UGT2A1: variants seen among roughly 807,000 people sequenced by gnomAD.
UGT2A1 encodes the protein UDP-glucuronosyltransferase 2A1.
In UGT2A1, 61 loss-of-function variants were observed where a neutral mutation model predicts 45.4. That is an observed-to-expected ratio of 1.34 (90% CI 1.09 to 1.66). The LOEUF (loss-of-function observed/expected upper bound fraction) is 1.66. Among genes scored for constraint, UGT2A1 ranks in the 40% most tolerant of loss-of-function variants. UGT2A1 has a pLI of 0.00. For missense variants in UGT2A1, 649 were observed against 574.3 expected (o/e 1.13, Z -1.33); for synonymous variants, 229 against 196.2 (o/e 1.17, Z -1.40).
At position 69,595,169 on chromosome 4, in the gene UGT2A1, A is replaced by G. The variant is rs747479294; in HGVS notation, c.1077T>C (p.Asp359=). 51 of 1,613,718 alleles carry G rather than the reference A, an allele frequency of 3.2e-5. No individual in the cohort carries two copies. The highest frequency in any genetic ancestry group is 6.7e-5 in the African/African-American group (5 of 74,924). The change falls in exon 5 of 7, where the codon GAT becomes GAC. Residue 359 remains aspartate, a synonymous_variant. Coordinates refer to ENST00000286604, the MANE Select transcript of UGT2A1 (RefSeq NM_001252275.3). ...TQLFDWIPQN[D]LLGHPKTKAF... ...CTTTCCCCACAGTCTTACCAAGAAGATCATTCTGGGGTATCCAATCAAAGA... is the reference window on the plus strand; with the variant it reads ...CTTTCCCCACAGTCTTACCAAGAAGGTCATTCTGGGGTATCCAATCAAAGA...
intron 3 of UGT2A1, among the ~76,000 whole-genome samples, chr4:69,610,597 G>A (rs1719977594): frequency 6.6e-6 from 1 of 152,126 alleles, no homozygotes; most frequent in South Asian, 2.1e-4. Flanking sequence ...AAGCCTGACT[G>A]TATTTGAAGA....
At chr4:69,608,431 G>T (rs6831807) in intron 3 of UGT2A1, among the ~76,000 whole-genome samples, 6 of 129,116 alleles carry the variant, frequency 4.6e-5, no homozygotes, top group African/African-American at 5.6e-5. Context: ...GGGGTGGGGG[G>T]AGGGGGGAAG....
intron 3 of UGT2A1, among the ~76,000 whole-genome samples, chr4:69,623,055 T>C (rs1431540812): frequency 2.0e-5 from 3 of 151,836 alleles, no homozygotes; most frequent in Non-Finnish European, 4.4e-5. Flanking sequence ...TGAAATTTTC[T>C]ACCTTCTGTT....
At chr4:69,593,500 G>GA (rs1018537716) in intron 6 of UGT2A1, among the ~76,000 whole-genome samples, 1 of 150,650 alleles carries the variant, frequency 6.6e-6, no homozygotes, top group Non-Finnish European at 1.5e-5. Context: ...ATCTTTCAGA[G>GA]AAAAAAATAA....
At chr4:69,627,457 C>G (rs1275615340) in intron 3 of UGT2A1, among the ~76,000 whole-genome samples, 1 of 62,982 alleles carries the variant, frequency 1.6e-5, no homozygotes. Flanking sequence ...CATAGGCAGA[C>G]AGGCAAGCAG....
intron 3 of UGT2A1, among the ~76,000 whole-genome samples, chr4:69,610,187 T>A (rs1034348264): frequency 6.6e-6 from 1 of 152,124 alleles, no homozygotes; most frequent in Non-Finnish European, 1.5e-5. Context: ...AAAATATTTT[T>A]AAATGTGCAA....
chr4:69,647,843 TCTTA>T (rs1431417671), intron 1 of UGT2A1, 145 bp from the exon 2 acceptor site: 3 of 409,840 alleles, frequency 7.3e-6, no homozygotes, highest in Non-Finnish European at 1.3e-5. Context: ...GGGTAATGTG[TCTTA>T]CTTCTCAAAT....
chr4:69,644,050 C>G (rs1254460402), intron 2 of UGT2A1, among the ~76,000 whole-genome samples: 1 of 151,484 alleles, frequency 6.6e-6, no homozygotes, highest in African/African-American at 2.4e-5. Flanking sequence ...TAAAGACAAA[C>G]TTAAGTAGTC....
intron 1 of UGT2A1, among the ~76,000 whole-genome samples, chr4:69,652,931 T>G (rs1177146491): frequency 6.6e-6 from 1 of 152,200 alleles, no homozygotes; most frequent in Non-Finnish European, 1.5e-5. Context: ...GAGTTCACAC[T>G]TAGACAAAAC....
At chr4:69,638,221 G>A (rs1721827727) in intron 2 of UGT2A1, among the ~76,000 whole-genome samples, 1 of 152,024 alleles carries the variant, frequency 6.6e-6, no homozygotes, top group African/African-American at 2.4e-5. Flanking sequence ...CATCAAGAGA[G>A]AAGGAAATAA....
At chr4:69,634,642 T>A (rs947974001) in intron 3 of UGT2A1, among the ~76,000 whole-genome samples, 2 of 152,126 alleles carry the variant, frequency 1.3e-5, no homozygotes, top group African/African-American at 4.8e-5. Flanking sequence ...TATTTTACCA[T>A]ATTGGCGGAA....
At chr4:69,610,611 G>T (rs1719978092) in intron 3 of UGT2A1, among the ~76,000 whole-genome samples, 1 of 152,052 alleles carries the variant, frequency 6.6e-6, no homozygotes, top group Non-Finnish European at 1.5e-5. Context: ...TTGAAGATAA[G>T]GCCTTTAGAG....
chr4:69,615,268 A>G (rs1720310767), intron 3 of UGT2A1, among the ~76,000 whole-genome samples: 1 of 152,074 alleles, frequency 6.6e-6, no homozygotes, highest in African/African-American at 2.4e-5. Flanking sequence ...TCACTGATTT[A>G]AAACCCGAAA....
At chr4:69,639,338 C>T in intron 2 of UGT2A1, 1 of 1,613,712 alleles carries the variant, frequency 6.2e-7, no homozygotes, top group Non-Finnish European at 8.5e-7. Context: ...CAATCCACAG[C>T]ATTATCATAT....
At chr4:69,602,462 TTTATCTATCTATCTATCTATCTA>T (rs1256965330) in intron 3 of UGT2A1, among the ~76,000 whole-genome samples, 1 of 120,716 alleles carries the variant, frequency 8.3e-6, no homozygotes, top group Non-Finnish European at 1.7e-5. Context: ...GATTTAGGAG[TTTATCTATCTATCTATCTATCTA>T]TCTATCTATC....
intron 3 of UGT2A1, among the ~76,000 whole-genome samples, chr4:69,635,078 C>G (rs930872075): frequency 9.3e-5 from 14 of 150,916 alleles, no homozygotes; most frequent in Admixed American, 7.3e-4. Context: ...CTATCTACCC[C>G]CTAAATATAT....
intron 3 of UGT2A1, among the ~76,000 whole-genome samples, chr4:69,611,475 A>G (rs1235186656): frequency 1.3e-5 from 2 of 152,078 alleles, no homozygotes; most frequent in Non-Finnish European, 2.9e-5. Context: ...GTATGCACAC[A>G]CTATGACAAG....
At chr4:69,598,405 A>G (rs1577949271) in intron 4 of UGT2A1, among the ~76,000 whole-genome samples, 1 of 152,010 alleles carries the variant, frequency 6.6e-6, no homozygotes, top group East Asian at 1.9e-4. Flanking sequence ...GCTTCTCAAC[A>G]CTTTTTCTGT....
chr4:69,617,593 C>T (rs922440025), intron 3 of UGT2A1, among the ~76,000 whole-genome samples: 9 of 151,798 alleles, frequency 5.9e-5, no homozygotes, highest in Middle Eastern at 3.4e-3. Flanking sequence ...CAAATTAGGG[C>T]TAGTGCTATC....
Sources: gnomAD v4.1 joint callset for allele counts (sites outside exome capture counted in the v4.1 genomes callset) on GRCh38, gnomAD v4.1.1 for gene constraint, MANE v1.5 for transcripts, NCBI Gene and HGNC (gene_info 2026-07-23, HGNC 2026-07-21) for gene names.